Variants in TMTC2 observed in about 807,000 individuals in gnomAD.
TMTC2 encodes transmembrane O-mannosyltransferase targeting cadherins 2.
TMTC2 carries 43 observed loss-of-function variants against 82.4 expected under a neutral mutation model. That is an observed-to-expected ratio of 0.52 (90% CI 0.41 to 0.67). The LOEUF is 0.67. Ranked by LOEUF, TMTC2 falls within the 30% of genes least tolerant of loss-of-function variation. TMTC2 has a pLI of 0.00. For synonymous variants in TMTC2, 408 were observed against 381.9 expected, an observed-to-expected ratio of 1.07 and a Z score of -0.80; for missense variants, 919 against 1,012.4, an observed-to-expected ratio of 0.91 and a Z score of 1.25.
intron 4 of TMTC2, among the ~76,000 whole-genome samples, chr12:82,931,005 C>T (rs1218893018): frequency 4.6e-5 from 7 of 152,094 alleles, no homozygotes; most frequent in Non-Finnish European, 1.0e-4. Flanking sequence ...AACTCCTGAG[C>T]TCAAGCAATC....
chr12:83,041,380 TA>T (rs1352845149), intron 9 of TMTC2, among the ~76,000 whole-genome samples: 1 of 152,196 alleles, frequency 6.6e-6, no homozygotes, highest in Non-Finnish European at 1.5e-5. Context: ...CTCAGTGTCA[TA>T]ATCTAGAGAG....
At chr12:82,996,858 T>C (rs1023224613) in intron 8 of TMTC2, among the ~76,000 whole-genome samples, 1 of 152,176 alleles carries the variant, frequency 6.6e-6, no homozygotes, top group Admixed American at 6.6e-5. Context: ...AAAAGAGAAA[T>C]AGACTTTCTG....
intron 11 of TMTC2, among the ~76,000 whole-genome samples, chr12:83,079,541 A>G (rs985567904): frequency 6.6e-6 from 1 of 152,142 alleles, no homozygotes; most frequent in Non-Finnish European, 1.5e-5. Context: ...TTTACCTTCT[A>G]CAACTGTTTG....
chr12:82,803,941 C>T (rs1353397286), intron 1 of TMTC2, among the ~76,000 whole-genome samples: 1 of 152,030 alleles, frequency 6.6e-6, no homozygotes, highest in African/African-American at 2.4e-5. Context: ...TCTTTTTCTG[C>T]CTTGTGCCCT....
At chr12:82,955,699 T>C (rs1357233042) in intron 4 of TMTC2, among the ~76,000 whole-genome samples, 1 of 152,190 alleles carries the variant, frequency 6.6e-6, no homozygotes, top group Non-Finnish European at 1.5e-5. Context: ...TATCTCCAGG[T>C]GTATTTTCTT....
rs1312501479 is a variant in TMTC2 at position 82,813,552 on chromosome 12, A to G, written c.84-43458A>G. 2.0e-5 allele frequency among the ~76,000 whole-genome samples: 3 copies of G among 152,058 alleles called. No individual in the cohort carries two copies. The East Asian group carries it at 5.8e-4, about 29-fold the overall frequency. On this transcript the variant is annotated intron_variant, in intron 1 of 11. Transcript: ENST00000321196. ...CTATTTAATCAAGGTGACATTTAAA[A>G]TATGGTCCTCCACAGAGCACCACTA... is the stretch of plus-strand genomic sequence containing the variant.
At chr12:82,940,906 G>C (rs1876681346) in intron 4 of TMTC2, among the ~76,000 whole-genome samples, 1 of 151,668 alleles carries the variant, frequency 6.6e-6, no homozygotes, top group African/African-American at 2.4e-5. Context: ...GATAGTATGT[G>C]CCTCTTTATA....
At chr12:82,909,982 C>A (rs1218522998) in intron 3 of TMTC2, among the ~76,000 whole-genome samples, 2 of 152,012 alleles carry the variant, frequency 1.3e-5, no homozygotes, top group African/African-American at 4.8e-5. Context: ...GTATTTGAAC[C>A]CTCTAAAGCA....
chr12:82,917,172 T>G (rs534624351), intron 3 of TMTC2, among the ~76,000 whole-genome samples: 6 of 150,426 alleles, frequency 4.0e-5, no homozygotes, highest in Non-Finnish European at 7.4e-5. Context: ...GGGAAGACAG[T>G]CTACTTTAAA....
intron 11 of TMTC2, among the ~76,000 whole-genome samples, chr12:83,082,283 T>C (rs143525260): frequency 6.6e-6 from 1 of 152,314 alleles, no homozygotes; most frequent in Non-Finnish European, 1.5e-5. Context: ...ATTTAAAGTG[T>C]GCTAACACAT....
chr12:83,072,090 G>A (rs986572281), intron 11 of TMTC2, among the ~76,000 whole-genome samples: 13 of 152,070 alleles, frequency 8.5e-5, no homozygotes, highest in African/African-American at 3.1e-4. Flanking sequence ...TCCTCGAGGT[G>A]TGACCTTAGA....
chr12:82,883,197 C>T (rs921334629), intron 2 of TMTC2, among the ~76,000 whole-genome samples: 1 of 151,882 alleles, frequency 6.6e-6, no homozygotes, highest in South Asian at 2.1e-4. Context: ...GATAAATGGC[C>T]GCATTTTTAC....
chr12:83,012,580 A>G (rs1880507735), intron 8 of TMTC2, among the ~76,000 whole-genome samples: 1 of 152,166 alleles, frequency 6.6e-6, no homozygotes. Context: ...CTATGAATAT[A>G]GAAACAATTA....
At chr12:83,132,152 C>T in intron 11 of TMTC2, 58 bp from the exon 12 acceptor site, 1 of 1,532,730 alleles carries the variant, frequency 6.5e-7, no homozygotes, top group Non-Finnish European at 8.8e-7. Context: ...TTTTTGTTTT[C>T]CATGAAGGAA....
intron 11 of TMTC2, among the ~76,000 whole-genome samples, chr12:83,127,775 C>T (rs1222208773): frequency 1.3e-5 from 2 of 152,060 alleles, no homozygotes; most frequent in Non-Finnish European, 2.9e-5. Context: ...AGAATCAGAC[C>T]TCCATCATCT....
At chr12:83,093,076 A>G (rs552281063) in intron 11 of TMTC2, among the ~76,000 whole-genome samples, 15 of 152,260 alleles carry the variant, frequency 9.9e-5, no homozygotes, top group Non-Finnish European at 2.1e-4. Context: ...TCTATGACCC[A>G]TTCAGGACAT....
intron 1 of TMTC2, among the ~76,000 whole-genome samples, chr12:82,801,055 C>T (rs1878972581): frequency 6.6e-6 from 1 of 152,030 alleles, no homozygotes; most frequent in Non-Finnish European, 1.5e-5. Context: ...TGACAACTTC[C>T]AAAATACTTG....
At chr12:83,019,354 C>G (rs779391108) in intron 8 of TMTC2, among the ~76,000 whole-genome samples, 1 of 152,122 alleles carries the variant, frequency 6.6e-6, no homozygotes, top group Non-Finnish European at 1.5e-5. Flanking sequence ...AAATAACACC[C>G]ACTTCTTCTG....
chr12:83,063,709 T>A (rs1882820393), intron 11 of TMTC2, among the ~76,000 whole-genome samples: 1 of 152,058 alleles, frequency 6.6e-6, no homozygotes, highest in South Asian at 2.1e-4. Flanking sequence ...ATAATGATAG[T>A]CATTTTATTT....
Sources: allele counts gnomAD v4.1 joint callset (sites outside exome capture counted in the v4.1 genomes callset), GRCh38; gene constraint gnomAD v4.1.1; transcripts MANE v1.5; gene names NCBI Gene and HGNC (gene_info 2026-07-23, HGNC 2026-07-21).